TUBGCP6: variants seen among roughly 807,000 people sequenced by gnomAD.
TUBGCP6 encodes the protein tubulin gamma complex component 6.
In TUBGCP6, 161 loss-of-function variants were observed where a neutral mutation model predicts 175.8. That is an observed-to-expected ratio of 0.92 (90% CI 0.81 to 1.04). TUBGCP6 has a LOEUF of 1.04. Ranked by LOEUF, TUBGCP6 falls within the 50% of genes least tolerant of loss-of-function variation. The pLI is 0.00. For synonymous variants in TUBGCP6, 1,173 were observed against 1,030.5 expected, an observed-to-expected ratio of 1.14 and a Z score of -2.65; for missense variants, 2,572 against 2,433.0, an observed-to-expected ratio of 1.06 and a Z score of -1.20.
intron 2 of TUBGCP6, among the ~76,000 whole-genome samples, chr22:50,235,388 GC>G (rs931067551): frequency 1.5e-4 from 6 of 39,378 alleles, no homozygotes; most frequent in Admixed American, 4.4e-4. Flanking sequence ...AGGAGCCTGA[GC>G]CCCCAACAGA....
intron 1 of TUBGCP6, among the ~76,000 whole-genome samples, chr22:50,241,882 A>G (rs1488973323): frequency 1.4e-5 from 2 of 145,206 alleles, no homozygotes; most frequent in African/African-American, 5.2e-5. Context: ...TTTTTCTTCT[A>G]TCTCTGTCTT....
At position 50,224,459 on chromosome 22, in the gene TUBGCP6, G is replaced by T. The variant is rs749497931; in HGVS notation, c.2066-39C>A. The T allele has an allele frequency of 1.2e-5, 20 of 1,613,994 alleles. No homozygotes were observed. In the Admixed American group the frequency reaches 3.3e-4, roughly 27 times the overall value. ...GTAAGGGGCGCACTGTCACAAGGAG[G>T]CCCCAGCAAGGCCCCCCGGAACTGC... On this transcript the variant is annotated intron_variant, in intron 11 of 24. Transcript: ENST00000248846.
In TUBGCP6 at chr22:50,223,989, C is replaced by T. The variant is rs574429984; in HGVS notation, c.2270+152G>A. 3.7e-4 allele frequency: 254 copies of T among 682,008 alleles called. 2 individuals are homozygous for T. In the African/African-American group the frequency reaches 3.9e-3, roughly 10 times the overall value. The allele number at this position is 682,008 out of a possible 1,614,324, so 42.2% of individuals were successfully genotyped here. A position where few individuals can be genotyped will look rare whatever the true frequency, so the allele number is the denominator to read the frequency against. Reference sequence around the variant, plus strand: ...ATGCCTGGATAAGGCAGAACGCCCACAGCCACTCTGGGTTCAGCATATTGG... The same window carrying T: ...ATGCCTGGATAAGGCAGAACGCCCATAGCCACTCTGGGTTCAGCATATTGG... On this transcript the variant is annotated intron_variant, in intron 13 of 24. Transcript: ENST00000248846.
chr22:50,228,019 T>G lies in TUBGCP6; in HGVS notation c.1300A>C (p.Ser434Arg), dbSNP rs776128759. Residue 434 changes from serine to arginine, a missense_variant, in exon 5 of 25, where the codon AGT becomes CGT. Ser to Arg is a moderately radical substitution (Grantham distance 110). Transcript: ENST00000248846. The stretch of plus-strand genomic sequence containing the variant: ...TACTGCAGGTACCTCCTCAGGCCAC[T>G]GGTGAAGGCCTGTGGGCAAAGAGGC... Reference protein sequence around the residue: ...SKGLVFQAFTSGLRRYLQYYR... With the variant: ...SKGLVFQAFTRGLRRYLQYYR... 1 of 1,557,648 alleles carries G rather than the reference T, an allele frequency of 6.4e-7. No individual in the cohort carries two copies. Among genetic ancestry groups the G allele is most frequent in the South Asian group, 1.2e-5 (1 of 83,684 alleles).
intron 2 of TUBGCP6, among the ~76,000 whole-genome samples, chr22:50,236,793 C>T (rs951947700): frequency 1.3e-5 from 2 of 152,172 alleles, no homozygotes; most frequent in African/African-American, 4.8e-5. Flanking sequence ...CCTCTGTCTG[C>T]CCCCTGCATT....
Position 50,225,356 on chromosome 22 carries a change from C to T in TUBGCP6, c.1983+438G>A, listed in dbSNP as rs373849312. On this transcript the variant is annotated intron_variant, in intron 10 of 24. Coordinates refer to ENST00000248846, the MANE Select transcript of TUBGCP6 (RefSeq NM_020461.4). ...CAGAAGACACAGGAGAGGCGTGGCC[C>T]GTCCCTGACACACTGTCCCTTCCCA... is the stretch of plus-strand genomic sequence containing the variant. Among the ~76,000 whole-genome samples, 14 of 152,202 alleles carry T rather than the reference C, an allele frequency of 9.2e-5. No homozygotes were observed. In the South Asian group the frequency reaches 2.5e-3, roughly 27 times the overall value.
At chr22:50,234,337 G>GCATCCACACCCAGTTCCACAGCAGCAT (rs535442966) in intron 2 of TUBGCP6, among the ~76,000 whole-genome samples, 3 of 82,434 alleles carry the variant, frequency 3.6e-5, no homozygotes, top group East Asian at 4.3e-4. Flanking sequence ...GTCCACAGCA[G>GCATCCACACCCAGTTCCACAGCAGCAT]CATCCACACC....
chr22:50,232,157 G>A (rs1251070583), intron 3 of TUBGCP6, among the ~76,000 whole-genome samples: 1 of 151,822 alleles, frequency 6.6e-6, no homozygotes, highest in African/African-American at 2.4e-5. Flanking sequence ...CTCAGGTCAG[G>A]AGTCAAGAGA....
intron 10 of TUBGCP6, 98 bp from the exon 11 acceptor site, chr22:50,224,690 T>C (rs2064580113): frequency 1.7e-6 from 2 of 1,209,478 alleles, no homozygotes; most frequent in Admixed American, 3.7e-5. Context: ...GTAGATCACA[T>C]GAGCTTAAGA....
chr22:50,222,244 G>T, intron 14 of TUBGCP6, 142 bp from the exon 15 acceptor site: 1 of 1,160,894 alleles, frequency 8.6e-7, no homozygotes, highest in Non-Finnish European at 1.2e-6. Context: ...GTGGGACGCT[G>T]GGCCTGCAAA....
At chr22:50,219,478 C>G (rs779925922) in intron 18 of TUBGCP6, 22 bp from the exon 19 acceptor site, 5 of 1,592,500 alleles carry the variant, frequency 3.1e-6, no homozygotes, top group Admixed American at 3.5e-5. Flanking sequence ...GGAGCACGCA[C>G]GTGCTGGGAA....
rs549917142 is a variant in TUBGCP6, at chr22:50,221,566, G to C, written c.2793C>G (p.Pro931=). ...ALQTINLDLP[P]SAPGEAPAAA... ...CTGCGGGTGCCTCCCCAGGAGCTGA[G>C]GGGGGCAGGTCCAAGTTAATGGTCT... is the stretch of plus-strand genomic sequence containing the variant. The change falls in exon 16 of 25, where the codon CCC becomes CCG. Residue 931 remains proline (P), a synonymous_variant. Transcript: ENST00000248846. 7 of 1,587,738 alleles carry C rather than the reference G, an allele frequency of 4.4e-6. No homozygotes were observed. The African/African-American group carries it at 5.4e-5, about 12-fold the overall frequency.
chr22:50,235,337 C>G (rs1280621339), intron 2 of TUBGCP6, among the ~76,000 whole-genome samples: 1 of 12,976 alleles, frequency 7.7e-5, no homozygotes, highest in Admixed American at 4.9e-4. Context: ...AGCATCCACA[C>G]CCCCGTCCAC....
Position 50,220,779 on chromosome 22 carries a change from C to T in TUBGCP6, c.3580G>A (p.Ala1194Thr). 1 of 1,600,496 alleles carries T rather than the reference C, an allele frequency of 6.2e-7. No homozygotes were observed. The highest frequency in any genetic ancestry group is 8.5e-7 in the Non-Finnish European group (1 of 1,176,356). ...ACAGACTCCCCCAAGCTGATGCTGGCATCAGACACGTGTCCATGGGTGTTC... is the reference window on the plus strand; with the variant it reads ...ACAGACTCCCCCAAGCTGATGCTGGTATCAGACACGTGTCCATGGGTGTTC... ...RWNTHGHVSDASISLGESVSD... is the reference protein window; with the variant it reads ...RWNTHGHVSDTSISLGESVSD... Residue 1194 changes from alanine (A) to threonine (T), a missense_variant, in exon 16 of 25, where the codon GCC becomes ACC. By Grantham distance (58) the Ala-to-Thr change is moderately conservative. Coordinates refer to ENST00000248846, the MANE Select transcript of TUBGCP6 (RefSeq NM_020461.4).
intron 3 of TUBGCP6, among the ~76,000 whole-genome samples, 190 bp from the exon 4 acceptor site, chr22:50,229,767 G>A (rs2064665780): frequency 1.3e-5 from 2 of 152,144 alleles, no homozygotes; most frequent in Non-Finnish European, 2.9e-5. Flanking sequence ...AATCCTCACT[G>A]ACCACACTGA....
At chr22:50,229,316 C>A (rs2064658854) in intron 4 of TUBGCP6, 88 bp downstream of exon 4, 1 of 1,443,462 alleles carries the variant, frequency 6.9e-7, no homozygotes, top group African/African-American at 1.4e-5. Context: ...CTCTCTGGTC[C>A]TGCAGAAGGA....
rs756840969 is a variant in TUBGCP6, at chr22:50,221,193, C to G, written c.3166G>C (p.Val1056Leu). Reference protein sequence around the residue: ...TRPRWNTHGHVSDASIRVGEN... With the variant: ...TRPRWNTHGHLSDASIRVGEN... The stretch of plus-strand genomic sequence containing the variant: ...CCGACCCTGATGCTGGCGTCAGACA[C>G]GTGCCCGTGGGTGTTCCACCGTGGC... The change falls in exon 16 of 25, where the codon GTG becomes CTG. Residue 1056 changes from valine (V) to leucine (L), a missense_variant. Transcript: ENST00000248846. 6.2e-7 allele frequency: 1 copy of G among 1,608,360 alleles called. No individual in the cohort carries two copies.
chr22:50,227,114 C>T, intron 5 of TUBGCP6, 37 bp from the exon 6 acceptor site: 1 of 1,576,090 alleles, frequency 6.3e-7, no homozygotes, highest in Non-Finnish European at 8.6e-7. Flanking sequence ...GGTGACCGGG[C>T]TCAGGGTTCC....
intron 14 of TUBGCP6, 74 bp from the exon 15 acceptor site, chr22:50,222,176 C>T (rs1293669559): frequency 3.4e-6 from 5 of 1,487,702 alleles, no homozygotes; most frequent in Middle Eastern, 1.8e-4. Flanking sequence ...AAGCCACAGC[C>T]CCTACCGCCC....
Sources: gnomAD v4.1 joint callset for allele counts (sites outside exome capture counted in the v4.1 genomes callset) on GRCh38, gnomAD v4.1.1 for gene constraint, MANE v1.5 for transcripts, NCBI Gene and HGNC (gene_info 2026-07-23, HGNC 2026-07-21) for gene names.